Variants in ZFAT observed in about 807,000 individuals in gnomAD.
The protein encoded by ZFAT is zinc finger and AT-hook domain containing, also known as zinc finger protein ZFAT.
A neutral mutation model predicts 117.7 loss-of-function variants in ZFAT; 64 were observed. The observed-to-expected ratio is 0.54, with a 90% CI of 0.44 to 0.67. The LOEUF (loss-of-function observed/expected upper bound fraction) is 0.67, where lower values mean the gene tolerates loss of function less well. ZFAT is among the 30% of genes least tolerant of loss of function. The probability of loss-of-function intolerance (pLI) is 0.00; values close to 1 mark genes in which losing one functional copy is unlikely to be tolerated. For missense variants in ZFAT, 1,433 were observed against 1,584.5 expected, an observed-to-expected ratio of 0.90 and a Z score of 1.62; for synonymous variants, 679 against 615.0, an observed-to-expected ratio of 1.10 and a Z score of -1.54.
At chr8:134,641,030 A>G (rs1830550425) in intron 2 of ZFAT, among the ~76,000 whole-genome samples, 1 of 152,030 alleles carries the variant, frequency 6.6e-6, no homozygotes, top group South Asian at 2.1e-4. Flanking sequence ...CTCTCTGTTC[A>G]CACAGCAACC....
In ZFAT at chr8:134,478,448, C is replaced by T. The variant is rs1232249716; in HGVS notation, c.*34G>A. ...CCTGGGTGCCTGCAGAGCCTGGCAGCCCCGCCCTGTGGCCATCCGATGCCA... is the reference window on the plus strand; with the variant it reads ...CCTGGGTGCCTGCAGAGCCTGGCAGTCCCGCCCTGTGGCCATCCGATGCCA... On this transcript the variant is annotated 3_prime_UTR_variant, in exon 16 of 16. Transcript: ENST00000377838. This position sits in a 1 kb window ranked among gnomAD's most constrained non-coding sequence, Gnocchi z 5.2. 3 of 1,542,284 alleles carry T rather than the reference C, an allele frequency of 1.9e-6. No individual in the cohort carries two copies. Among genetic ancestry groups the T allele is most frequent in the Non-Finnish European group, 2.6e-6 (3 of 1,141,432 alleles).
intron 3 of ZFAT, among the ~76,000 whole-genome samples, chr8:134,633,447 C>T (rs1830016725): frequency 6.6e-6 from 1 of 152,190 alleles, no homozygotes; most frequent in Admixed American, 6.5e-5. Flanking sequence ...GACTGTTCAC[C>T]TGAGTAGTGC....
chr8:134,641,955 T>A (rs1214179427), intron 2 of ZFAT, among the ~76,000 whole-genome samples: 1 of 152,206 alleles, frequency 6.6e-6, no homozygotes, highest in African/African-American at 2.4e-5. Flanking sequence ...GTGAACACTA[T>A]GAAAAAATAG....
At chr8:134,675,882 C>A (rs1051884572) in intron 1 of ZFAT, among the ~76,000 whole-genome samples, 1 of 152,094 alleles carries the variant, frequency 6.6e-6, no homozygotes, top group Non-Finnish European at 1.5e-5. Context: ...CCTTTACAGA[C>A]AAGCAAACAC....
the ZFAT span, chr8:134,784,292 CCTG>C: frequency 1.3e-5 from 2 of 152,120 alleles, no homozygotes; most frequent in African/African-American, 4.8e-5. Flanking sequence ...CCTTTTTCTT[CCTG>C]CTATTTCAAT....
At chr8:134,483,164 G>C (rs890542468) in intron 15 of ZFAT, among the ~76,000 whole-genome samples, 1 of 152,064 alleles carries the variant, frequency 6.6e-6, no homozygotes, top group Non-Finnish European at 1.5e-5. Flanking sequence ...TTGCTCCCAC[G>C]GCACCCAATA....
At chr8:134,752,015 T>G in the ZFAT span, among the ~76,000 whole-genome samples, 1 of 152,198 alleles carries the variant, frequency 6.6e-6, no homozygotes, top group African/African-American at 2.4e-5. Flanking sequence ...GACACATTTC[T>G]TTTTTTCTCT....
At chr8:134,738,558 T>C in the ZFAT span, among the ~76,000 whole-genome samples, 3 of 152,210 alleles carry the variant, frequency 2.0e-5, no homozygotes, top group Non-Finnish European at 4.4e-5. Context: ...GGGGAGGTTG[T>C]CCTGAAAAGA....
chr8:134,556,716 A>G (rs6995244), intron 11 of ZFAT, among the ~76,000 whole-genome samples: 52,297 of 151,904 alleles, frequency 0.34, 9,303 homozygotes, highest in East Asian at 0.67. Flanking sequence ...AATGAAGACC[A>G]CATACAGACA....
chr8:134,615,522 C>A (rs1221742327), intron 3 of ZFAT, among the ~76,000 whole-genome samples: 1 of 152,118 alleles, frequency 6.6e-6, no homozygotes, highest in Non-Finnish European at 1.5e-5. Context: ...ATCCCCACTA[C>A]CTAGAGCAGG....
chr8:134,548,111 T>C (rs1446943007), intron 11 of ZFAT, among the ~76,000 whole-genome samples: 4 of 152,186 alleles, frequency 2.6e-5, no homozygotes, highest in Non-Finnish European at 5.9e-5. Flanking sequence ...CCATGATAAA[T>C]CTATCACAGT....
At chr8:134,597,443 ACT>A (rs1827044231) in intron 7 of ZFAT, 1 of 151,342 alleles carries the variant, frequency 6.6e-6, no homozygotes, top group South Asian at 2.1e-4. Context: ...TTTCCTCCTC[ACT>A]CTCTTTCCTG....
chr8:134,740,460 G>A, the ZFAT span, among the ~76,000 whole-genome samples: 3 of 152,112 alleles, frequency 2.0e-5, no homozygotes, highest in African/African-American at 7.2e-5. Context: ...GTAAGCATTG[G>A]CCTGCAACAG....
intron 3 of ZFAT, among the ~76,000 whole-genome samples, chr8:134,623,260 A>G (rs1829261048): frequency 6.6e-6 from 1 of 151,976 alleles, no homozygotes. Flanking sequence ...TCCTCAACCC[A>G]TCCGCTTCCT....
At chr8:134,668,303 C>A (rs1049378647) in intron 1 of ZFAT, among the ~76,000 whole-genome samples, 1 of 152,078 alleles carries the variant, frequency 6.6e-6, no homozygotes, top group Non-Finnish European at 1.5e-5. Context: ...AACGGACAGA[C>A]CCTCAAGTGG....
At chr8:134,646,684 C>CA (rs1830916976) in intron 2 of ZFAT, among the ~76,000 whole-genome samples, 1 of 151,624 alleles carries the variant, frequency 6.6e-6, no homozygotes, top group Admixed American at 6.6e-5. Flanking sequence ...AGAGAGGCCA[C>CA]AAATGAATTA....
chr8:134,671,042 G>A (rs1405556582), intron 1 of ZFAT, among the ~76,000 whole-genome samples: 1 of 152,106 alleles, frequency 6.6e-6, no homozygotes, highest in Admixed American at 6.5e-5. Context: ...ACCCTCCCAA[G>A]AGTAAACCAG....
At chr8:134,654,277 G>A (rs904603153) in intron 2 of ZFAT, among the ~76,000 whole-genome samples, 2 of 151,774 alleles carry the variant, frequency 1.3e-5, no homozygotes, top group African/African-American at 4.8e-5. Context: ...CTAGCTAGGT[G>A]ACAAGAGCAA....
At chr8:134,585,457 G>T (rs1826002648) in intron 9 of ZFAT, among the ~76,000 whole-genome samples, 1 of 152,164 alleles carries the variant, frequency 6.6e-6, no homozygotes, top group South Asian at 2.1e-4. Flanking sequence ...AACATTCAAA[G>T]AACTCAAAAA....
Sources: allele counts gnomAD v4.1 joint callset (sites outside exome capture counted in the v4.1 genomes callset), GRCh38; gene constraint gnomAD v4.1.1; non-coding constraint Gnocchi (gnomAD v3.1); transcripts MANE v1.5; gene names NCBI Gene and HGNC (gene_info 2026-07-23, HGNC 2026-07-21).